CARMIL1: variants seen among roughly 807,000 people sequenced by gnomAD.
CARMIL1 encodes F-actin-uncapping protein LRRC16A.
In CARMIL1, 90 loss-of-function variants were observed where a neutral mutation model predicts 177.1. The ratio of observed to expected loss-of-function variants is 0.51; its 90% confidence interval spans 0.43 to 0.61. The LOEUF is 0.61. Ranked by LOEUF, CARMIL1 falls within the 20% of genes least tolerant of loss-of-function variation. The pLI is 0.00. For missense variants in CARMIL1, 1,380 were observed against 1,667.0 expected, an observed-to-expected ratio of 0.83 and a Z score of 3.00; for synonymous variants, 577 against 606.2, an observed-to-expected ratio of 0.95 and a Z score of 0.71.
At chr6:25,571,915 C>A (rs1246199899) in intron 29 of CARMIL1, among the ~76,000 whole-genome samples, 1 of 152,038 alleles carries the variant, frequency 6.6e-6, no homozygotes, top group Non-Finnish European at 1.5e-5. Flanking sequence ...GGTGAAAGAG[C>A]CTGAAGAGAC....
intron 35 of CARMIL1, 28 bp downstream of exon 35, chr6:25,606,301 A>G (rs370982802): frequency 3.3e-5 from 53 of 1,602,062 alleles, no homozygotes; most frequent in Non-Finnish European, 4.1e-5. Flanking sequence ...AGGGAGTTGC[A>G]TTGTGACCAG....
At chr6:25,605,633 C>G (rs1815878507) in intron 34 of CARMIL1, among the ~76,000 whole-genome samples, 2 of 152,194 alleles carry the variant, frequency 1.3e-5, no homozygotes, top group Non-Finnish European at 2.9e-5. Flanking sequence ...CCTCCTCACT[C>G]AGAACCTGTA....
intron 2 of CARMIL1, among the ~76,000 whole-genome samples, chr6:25,339,072 A>G (rs1163932732): frequency 6.6e-6 from 1 of 151,324 alleles, no homozygotes; most frequent in African/African-American, 2.5e-5. Context: ...GTCCCCATCA[A>G]TATAAAATAA....
At chr6:25,459,562 C>G (rs1799960263) in intron 8 of CARMIL1, among the ~76,000 whole-genome samples, 1 of 151,828 alleles carries the variant, frequency 6.6e-6, no homozygotes, top group Non-Finnish European at 1.5e-5. Context: ...TGGATCCCAA[C>G]ATTTTTTATA....
chr6:25,364,392 C>CAA (rs1027190466), intron 2 of CARMIL1, among the ~76,000 whole-genome samples: 4 of 152,106 alleles, frequency 2.6e-5, no homozygotes, highest in African/African-American at 9.7e-5. Context: ...AAATGGTATG[C>CAA]CTTTATAACC....
rs1224647612 is a variant in CARMIL1 at position 25,604,888 on chromosome 6, G to C, written c.3629G>C (p.Gly1210Ala). Residue 1210 changes from glycine to alanine, a missense_variant, in exon 34 of 37, where the codon GGG becomes GCG. Gly to Ala is a moderately conservative substitution (Grantham distance 60). Coordinates refer to ENST00000329474, the MANE Select transcript of CARMIL1 (RefSeq NM_017640.6). ...GGCGTAGAACGGTCGGATGGAGGTG[G>C]GGCAGGTAAGTCAGGCCATTGCCAT... ...LSGVERSDGG[G>A]AVPKLHPGLP... 1.9e-6 allele frequency: 3 copies of C among 1,591,446 alleles called. No homozygotes were observed. The highest frequency in any genetic ancestry group is 1.1e-5 in the South Asian group (1 of 86,984).
intron 31 of CARMIL1, among the ~76,000 whole-genome samples, chr6:25,582,224 A>G (rs1407096764): frequency 6.6e-6 from 1 of 152,102 alleles, no homozygotes; most frequent in Non-Finnish European, 1.5e-5. Flanking sequence ...CCGTCATCTT[A>G]CTTGATGTTT....
chr6:25,595,980 A>G (rs931911223), intron 32 of CARMIL1, among the ~76,000 whole-genome samples: 5 of 152,184 alleles, frequency 3.3e-5, no homozygotes, highest in Non-Finnish European at 7.3e-5. Context: ...ACTCATCTCC[A>G]TGTGATTTAC....
chr6:25,519,091 T>C (rs1277526242), intron 22 of CARMIL1, among the ~76,000 whole-genome samples: 1 of 152,270 alleles, frequency 6.6e-6, no homozygotes, highest in Non-Finnish European at 1.5e-5. Context: ...AGACTGCTAC[T>C]ATTAACTTGA....
chr6:25,494,299 C>G (rs1803492139), intron 15 of CARMIL1, among the ~76,000 whole-genome samples: 1 of 152,082 alleles, frequency 6.6e-6, no homozygotes, highest in Non-Finnish European at 1.5e-5. Context: ...AGTGCTTACT[C>G]TGCATCAGCC....
intron 27 of CARMIL1, 99 bp from the exon 28 acceptor site, chr6:25,553,909 TG>T (rs1157325579): frequency 2.7e-6 from 2 of 734,292 alleles, no homozygotes; most frequent in Non-Finnish European, 4.7e-6. Flanking sequence ...AAGACAGAAA[TG>T]GAATCACAGT....
At chr6:25,347,591 A>C (rs1787650660) in intron 2 of CARMIL1, among the ~76,000 whole-genome samples, 1 of 152,206 alleles carries the variant, frequency 6.6e-6, no homozygotes, top group South Asian at 2.1e-4. Context: ...TGGTTCTTTG[A>C]ATTTTTGAAA....
intron 31 of CARMIL1, among the ~76,000 whole-genome samples, chr6:25,584,648 AG>A (rs1347310799): frequency 6.6e-6 from 1 of 152,006 alleles, no homozygotes; most frequent in Non-Finnish European, 1.5e-5. Context: ...GATTAGACAA[AG>A]GGGGTATGAT....
At chr6:25,311,534 A>G (rs1783818335) in intron 2 of CARMIL1, among the ~76,000 whole-genome samples, 1 of 143,598 alleles carries the variant, frequency 7.0e-6, no homozygotes, top group South Asian at 2.3e-4. Context: ...TGTAGGATAT[A>G]TAGAGCGGGG....
chr6:25,612,137 T>C (rs896888735), intron 36 of CARMIL1, among the ~76,000 whole-genome samples: 3 of 152,198 alleles, frequency 2.0e-5, no homozygotes, highest in African/African-American at 4.8e-5. Flanking sequence ...CCTGGTGTTA[T>C]CACTTGGTAT....
intron 2 of CARMIL1, among the ~76,000 whole-genome samples, chr6:25,418,255 T>A (rs1795531944): frequency 6.6e-6 from 1 of 152,168 alleles, no homozygotes; most frequent in Non-Finnish European, 1.5e-5. Context: ...CTGGACACCC[T>A]ACAAGCAGGA....
At chr6:25,450,032 G>T in intron 6 of CARMIL1, 37 bp downstream of exon 6, 1 of 1,501,186 alleles carries the variant, frequency 6.7e-7, no homozygotes, top group South Asian at 1.2e-5. Context: ...GTGAATAGCT[G>T]GATGGATATC....
Position 25,606,160 on chromosome 6 carries a change from C to G in CARMIL1, c.3734C>G (p.Ser1245Cys), listed in dbSNP as rs752311740. 6.2e-7 allele frequency: 1 copy of G among 1,614,006 alleles called. No individual in the cohort carries two copies. Among genetic ancestry groups the G allele is most frequent in the African/African-American group, 1.3e-5 (1 of 75,066 alleles). Residue 1245 changes from serine to cysteine, a missense_variant, in exon 35 of 37, where the codon TCT becomes TGT. Physicochemically the swap from Ser to Cys is moderately radical, Grantham distance 112. Transcript: ENST00000329474. ...CCCAAAGCGGAAGCAGGCTCCAGGT[C>G]TCGGAGCTCATCCAGCACACCTACG... Reference protein sequence around the residue: ...AEPKAEAGSRSRSSSSTPTSP... With the variant: ...AEPKAEAGSRCRSSSSTPTSP...
chr6:25,530,858 G>A (rs971965537), intron 24 of CARMIL1, among the ~76,000 whole-genome samples: 1 of 152,160 alleles, frequency 6.6e-6, no homozygotes, highest in Non-Finnish European at 1.5e-5. Flanking sequence ...TTAAGGGATT[G>A]GCGTGTCTTT....
Sources: gnomAD v4.1 joint callset for allele counts (sites outside exome capture counted in the v4.1 genomes callset) on GRCh38, gnomAD v4.1.1 for gene constraint, MANE v1.5 for transcripts, NCBI Gene and HGNC (gene_info 2026-07-23, HGNC 2026-07-21) for gene names.